Variants in GMPR observed in about 807,000 individuals in gnomAD.
The protein encoded by GMPR is GMP reductase 1.
Under a neutral mutation model 38.4 loss-of-function variants are expected in GMPR, and 31 were observed. The ratio of observed to expected loss-of-function variants is 0.81; its 90% CI spans 0.61 to 1.09. The LOEUF (loss-of-function observed/expected upper bound fraction) is 1.09. Among genes scored for constraint, GMPR ranks in the 50% least tolerant of loss-of-function variants. GMPR has a pLI of 0.00. For missense variants in GMPR, 468 were observed against 453.7 expected (o/e 1.03, Z -0.29); for synonymous variants, 162 against 173.3 (o/e 0.93, Z 0.51).
At chr6:16,269,136 A>G (rs898615210) in intron 4 of GMPR, among the ~76,000 whole-genome samples, 2 of 152,116 alleles carry the variant, frequency 1.3e-5, no homozygotes, top group Non-Finnish European at 2.9e-5. Context: ...AGTACTTTTA[A>G]ATGGAGGGAC....
intron 3 of GMPR, among the ~76,000 whole-genome samples, chr6:16,254,266 A>G (rs1347147949): frequency 6.6e-6 from 1 of 152,096 alleles, no homozygotes; most frequent in East Asian, 1.9e-4. Flanking sequence ...GGGTTTCACC[A>G]TGTTGGCCAG....
chr6:16,293,728 G>A (rs1759881707), intron 8 of GMPR, among the ~76,000 whole-genome samples: 1 of 152,194 alleles, frequency 6.6e-6, no homozygotes, highest in Non-Finnish European at 1.5e-5. Context: ...AACCCAGGAG[G>A]CAGAGGTTGC....
At chr6:16,281,713 C>A (rs1400557222) in intron 6 of GMPR, among the ~76,000 whole-genome samples, 1 of 151,452 alleles carries the variant, frequency 6.6e-6, no homozygotes, top group African/African-American at 2.4e-5. Flanking sequence ...TTTCACCATG[C>A]TGGCCAGGCT....
In GMPR at chr6:16,238,692, C is replaced by G; in HGVS notation, c.-2C>G. The G allele has an allele frequency of 7.1e-7, 1 of 1,399,660 alleles. No individual in the cohort carries two copies. The highest frequency in any genetic ancestry group is 9.4e-7 in the Non-Finnish European group (1 of 1,060,754). 86.7% of individuals were successfully genotyped at this position (1,399,660 alleles called of 1,614,324 possible). On this transcript the variant is annotated 5_prime_UTR_variant, in exon 1 of 9. Transcript: ENST00000259727. ...GCCGCCGCAGCCAGGAGCCGCTGCACCATGCCCCGCATAGATGCGGACCTC... is the reference window on the plus strand; with the variant it reads ...GCCGCCGCAGCCAGGAGCCGCTGCAGCATGCCCCGCATAGATGCGGACCTC...
intron 4 of GMPR, chr6:16,262,490 C>T (rs555761153): frequency 6.6e-6 from 1 of 152,052 alleles, no homozygotes; most frequent in South Asian, 2.1e-4. Context: ...TGGAGGAACG[C>T]CTGGCTGCTG....
chr6:16,240,694 G>A (rs562474391), intron 1 of GMPR, among the ~76,000 whole-genome samples: 4 of 152,296 alleles, frequency 2.6e-5, no homozygotes, highest in East Asian at 1.9e-4. Context: ...CACATCATGC[G>A]ACAATGTCAT....
chr6:16,238,896 G>A, intron 1 of GMPR, 116 bp downstream of exon 1: 2 of 388,254 alleles, frequency 5.2e-6, no homozygotes, highest in Non-Finnish European at 9.3e-6. Flanking sequence ...GTTTGAGACT[G>A]GGGCGCTGCG....
chr6:16,285,049 G>GAA (rs1759652154), intron 6 of GMPR, among the ~76,000 whole-genome samples: 1 of 130,346 alleles, frequency 7.7e-6, no homozygotes. Flanking sequence ...AAAAAAAACA[G>GAA]AAAAGAAAAG....
intron 4 of GMPR, chr6:16,263,181 A>C (rs1024058248): frequency 6.6e-6 from 1 of 151,868 alleles, no homozygotes; most frequent in Non-Finnish European, 1.5e-5. Context: ...TTGCATTGGG[A>C]ACAGAGACTA....
chr6:16,286,428 G>A (rs1581665845), intron 7 of GMPR, among the ~76,000 whole-genome samples: 1 of 151,886 alleles, frequency 6.6e-6, no homozygotes. Flanking sequence ...AACTGCAAAT[G>A]GCATTTGGAA....
At chr6:16,280,956 C>T (rs6914805) in intron 6 of GMPR, among the ~76,000 whole-genome samples, 50,925 of 151,976 alleles carry the variant, frequency 0.34, 9,208 homozygotes, top group East Asian at 0.7. Flanking sequence ...AAACTTCAAA[C>T]TTGCTTAGTT....
chr6:16,290,163 GATCT>G, intron 7 of GMPR: 1 of 292,384 alleles, frequency 3.4e-6, no homozygotes, highest in Non-Finnish European at 6.6e-6. Flanking sequence ...AAGAGAGTTA[GATCT>G]GAGGAAGGTG....
intron 4 of GMPR, chr6:16,257,886 G>C (rs1316264447): frequency 6.6e-6 from 1 of 152,258 alleles, no homozygotes; most frequent in African/African-American, 2.4e-5. Context: ...TTGGATTGAA[G>C]ATTCAGTTTC....
intron 4 of GMPR, among the ~76,000 whole-genome samples, chr6:16,267,091 C>T (rs958403523): frequency 6.6e-6 from 1 of 152,046 alleles, no homozygotes; most frequent in African/African-American, 2.4e-5. Flanking sequence ...TGGCCGGGCG[C>T]TGTGGCTCAC....
chr6:16,280,689 C>CA (rs1759557973), intron 6 of GMPR, among the ~76,000 whole-genome samples: 1 of 152,172 alleles, frequency 6.6e-6, no homozygotes, highest in Non-Finnish European at 1.5e-5. Flanking sequence ...TGAGGATCAC[C>CA]AGAGAGGCTT....
chr6:16,245,368 A>G (rs1438336284), intron 1 of GMPR, among the ~76,000 whole-genome samples: 1 of 152,238 alleles, frequency 6.6e-6, no homozygotes, highest in Non-Finnish European at 1.5e-5. Context: ...TAAAGGCTAA[A>G]GGGCCAGAGC....
At chr6:16,250,093 A>C (rs1469073497) in intron 2 of GMPR, among the ~76,000 whole-genome samples, 191 bp from the exon 3 acceptor site, 1 of 152,226 alleles carries the variant, frequency 6.6e-6, no homozygotes, top group Non-Finnish European at 1.5e-5. Flanking sequence ...TAGAATGGGA[A>C]ACAGGGTTTT....
At chr6:16,240,925 A>G (rs1350712002) in intron 1 of GMPR, among the ~76,000 whole-genome samples, 1 of 151,752 alleles carries the variant, frequency 6.6e-6, no homozygotes, top group Non-Finnish European at 1.5e-5. Context: ...TAGCTCCCTG[A>G]TGCGTGAGGC....
At chr6:16,240,703 A>G (rs541831624) in intron 1 of GMPR, among the ~76,000 whole-genome samples, 6 of 152,358 alleles carry the variant, frequency 3.9e-5, no homozygotes, top group Non-Finnish European at 8.8e-5. Flanking sequence ...CGACAATGTC[A>G]TGCAACACTT....
Sources: gnomAD v4.1 joint callset for allele counts (sites outside exome capture counted in the v4.1 genomes callset) on GRCh38, gnomAD v4.1.1 for gene constraint, MANE v1.5 for transcripts, NCBI Gene and HGNC (gene_info 2026-07-23, HGNC 2026-07-21) for gene names.